IQSEC1: variants seen among roughly 807,000 people sequenced by gnomAD.
IQSEC1 encodes IQ motif and Sec7 domain ArfGEF 1, also known as IQ motif and SEC7 domain-containing protein 1.
A neutral mutation model predicts 91.0 loss-of-function variants in IQSEC1; 31 were observed. The ratio of observed to expected loss-of-function variants is 0.34; its 90% CI spans 0.26 to 0.46. IQSEC1 has a LOEUF of 0.46. Ranked by LOEUF, IQSEC1 falls within the 20% of genes least tolerant of loss-of-function variation. The probability of loss-of-function intolerance (pLI) is 1.00; values close to 1 mark genes in which losing one functional copy is unlikely to be tolerated. For missense variants in IQSEC1, 1,388 were observed against 1,575.6 expected, an observed-to-expected ratio of 0.88 and a Z score of 2.02; for synonymous variants, 699 against 662.6, an observed-to-expected ratio of 1.05 and a Z score of -0.84.
At chr3:12,985,066 C>T (rs959809140) in intron 1 of IQSEC1, among the ~76,000 whole-genome samples, 6 of 152,016 alleles carry the variant, frequency 3.9e-5, no homozygotes, top group South Asian at 2.1e-4. Flanking sequence ...CCTCGTGATC[C>T]GCCCACCTCG....
intron 1 of IQSEC1, among the ~76,000 whole-genome samples, chr3:13,016,278 G>A (rs1162036244): frequency 6.6e-6 from 1 of 152,196 alleles, no homozygotes; most frequent in Non-Finnish European, 1.5e-5. Flanking sequence ...GTCCCTGTCT[G>A]AATTCCCACT....
At chr3:12,943,309 T>C (rs532555810) in intron 1 of IQSEC1, among the ~76,000 whole-genome samples, 257 of 152,304 alleles carry the variant, frequency 1.7e-3, no homozygotes, top group African/African-American at 5.7e-3. Flanking sequence ...GGTGGGGCCA[T>C]GCGGGGCGGG....
chr3:12,957,498 C>T (rs1699984397), intron 1 of IQSEC1, among the ~76,000 whole-genome samples: 1 of 152,236 alleles, frequency 6.6e-6, no homozygotes, highest in Admixed American at 6.5e-5. Context: ...TTTCCATACG[C>T]ACCAAATGGA....
rs60976247 is a variant in IQSEC1 at position 13,249,167 on chromosome 3, C to CTT, written c.272+33542_272+33543dup. Among the ~76,000 whole-genome samples, 512 of 106,616 alleles carry CTT rather than the reference C, an allele frequency of 4.8e-3. 3 individuals carry two copies. The highest frequency in any genetic ancestry group is 0.011 in the Middle Eastern group (2 of 182). The allele number at this position is 106,616 out of a possible 152,430, so 69.9% of individuals were successfully genotyped here. ...AAACTTCCTTTGGGGGAAGGAATTT[C>CTT]TTTTTTTTTTTTTTTTTTTTTTGAG... is the stretch of plus-strand genomic sequence containing the variant. On this transcript the variant is annotated intron_variant, in intron 1 of 15. Coordinates refer to the IQSEC1 transcript ENST00000648114.
At position 13,059,559 on chromosome 3, in the gene IQSEC1, C is replaced by T. The variant is rs530448964; in HGVS notation, c.23+13433G>A. 3.8e-4 allele frequency among the ~76,000 whole-genome samples: 58 copies of T among 152,134 alleles called. 2 individuals are homozygous for T. The highest frequency in any genetic ancestry group is 6.8e-3 in the Middle Eastern group (2 of 294). ...GAACCCTAGGAGTTCAAGACCAGCC[C>T]GGACAACATGGCAAAATCCAGTCTC... On this transcript the variant is annotated intron_variant, in intron 1 of 13. Coordinates refer to ENST00000613206, the MANE Select transcript of IQSEC1 (RefSeq NM_001134382.3).
At chr3:13,113,711 G>A (rs1172183645) in intron 2 of IQSEC1, among the ~76,000 whole-genome samples, 1 of 152,180 alleles carries the variant, frequency 6.6e-6, no homozygotes, top group Non-Finnish European at 1.5e-5. Flanking sequence ...GGTCACCAGG[G>A]CAGCCCCCAG....
intron 1 of IQSEC1, among the ~76,000 whole-genome samples, chr3:13,268,385 C>T (rs1695533131): frequency 6.6e-6 from 1 of 152,250 alleles, no homozygotes; most frequent in Non-Finnish European, 1.5e-5. Context: ...GTGCTTAATA[C>T]ATACTTACTT....
Position 13,200,267 on chromosome 3 carries a change from C to T in IQSEC1, c.273-36134G>A, listed in dbSNP as rs535432818. Reference sequence around the variant, plus strand: ...CCCACATACAACACACACACACACACACACCACACACACATACTCCCCCCC... The same window carrying T: ...CCCACATACAACACACACACACACATACACCACACACACATACTCCCCCCC... On this transcript the variant is annotated intron_variant, in intron 1 of 15. Coordinates refer to the IQSEC1 transcript ENST00000648114. Among the ~76,000 whole-genome samples the T allele has an allele frequency of 1.8e-4, 28 of 152,040 alleles. 1 individual carries two copies. Among genetic ancestry groups the T allele is most frequent in the African/African-American group, 6.3e-4 (26 of 41,444 alleles).
chr3:13,024,669 T>C (rs1296630395), intron 1 of IQSEC1, among the ~76,000 whole-genome samples: 1 of 148,560 alleles, frequency 6.7e-6, no homozygotes, highest in East Asian at 2.0e-4. Context: ...CATCCGTCCA[T>C]CCATCCACCC....
chr3:12,976,102 G>A (rs1367961710), intron 1 of IQSEC1, among the ~76,000 whole-genome samples: 5 of 152,322 alleles, frequency 3.3e-5, no homozygotes, highest in African/African-American at 9.6e-5. Flanking sequence ...TGAGCCATCC[G>A]GTGCTGGGCC....
At position 13,189,031 on chromosome 3, in the gene IQSEC1, G is replaced by T. The variant is rs940183966; in HGVS notation, c.273-24898C>A. On this transcript the variant is annotated intron_variant, in intron 1 of 15. Coordinates refer to the IQSEC1 transcript ENST00000648114. The stretch of plus-strand genomic sequence containing the variant: ...GACTTTGAATCTTGGCCTCTGCCCA[G>T]TCTCTCTCACCTGTGTCCCAAATCT... 4.6e-5 allele frequency among the ~76,000 whole-genome samples: 7 copies of T among 152,246 alleles called. No individual in the cohort carries two copies. In the East Asian group the frequency reaches 9.6e-4, roughly 21 times the overall value.
intron 2 of IQSEC1, among the ~76,000 whole-genome samples, chr3:13,122,459 T>G (rs952383681): frequency 1.3e-5 from 2 of 151,652 alleles, no homozygotes; most frequent in Non-Finnish European, 2.9e-5. Flanking sequence ...CTCTGGCTGT[T>G]CAGGGAGGGA....
At chr3:13,148,984 C>T (rs943324882) in intron 2 of IQSEC1, among the ~76,000 whole-genome samples, 6 of 152,244 alleles carry the variant, frequency 3.9e-5, no homozygotes, top group African/African-American at 9.6e-5. Context: ...TGGGAAGAAC[C>T]GCTGCTGGGC....
chr3:13,008,340 C>T lies in IQSEC1; in HGVS notation c.23+64652G>A, dbSNP rs1381582989. Among the ~76,000 whole-genome samples the T allele has an allele frequency of 2.0e-5, 3 of 152,196 alleles. No homozygotes were observed. The highest frequency in any genetic ancestry group is 2.0e-4 in the Admixed American group (3 of 15,282). ...TAGAGAATGAGGTAAGCATCCTCCA[C>T]CAGTGACCGTCAGGCTGTCCACTGT... On this transcript the variant is annotated intron_variant, in intron 1 of 13. Transcript: ENST00000613206. This position sits in a 1 kb window ranked among gnomAD's most constrained non-coding sequence, Gnocchi z 4.1.
chr3:12,959,090 T>C (rs990306544), intron 1 of IQSEC1, among the ~76,000 whole-genome samples: 1 of 152,166 alleles, frequency 6.6e-6, no homozygotes, highest in Non-Finnish European at 1.5e-5. Context: ...AGAGGGTTGC[T>C]GGGTGGGTGG....
chr3:13,220,875 C>A (rs962568555), intron 1 of IQSEC1, among the ~76,000 whole-genome samples: 15 of 152,210 alleles, frequency 9.9e-5, no homozygotes, highest in African/African-American at 3.6e-4. Context: ...GGTTTTGCTG[C>A]CAAACTCCTG....
intron 1 of IQSEC1, among the ~76,000 whole-genome samples, chr3:13,057,563 G>C (rs1356915652): frequency 6.6e-6 from 1 of 152,214 alleles, no homozygotes; most frequent in African/African-American, 2.4e-5. Flanking sequence ...AGTGAGTGGC[G>C]GGGAACACCC....
intron 1 of IQSEC1, chr3:13,015,738 G>A (rs1703096152): frequency 1.0e-6 from 1 of 985,280 alleles, no homozygotes; most frequent in African/African-American, 1.7e-5. Context: ...CCAGGGGAGA[G>A]GGTGCCAGGC....
chr3:12,905,859 C>T (rs1458660573), intron 12 of IQSEC1, among the ~76,000 whole-genome samples: 4 of 152,222 alleles, frequency 2.6e-5, no homozygotes, highest in South Asian at 2.1e-4. Context: ...GTGTCCATCA[C>T]CACTTGGCTG....
Sources: allele counts gnomAD v4.1 joint callset (sites outside exome capture counted in the v4.1 genomes callset), GRCh38; gene constraint gnomAD v4.1.1; non-coding constraint Gnocchi (gnomAD v3.1); transcripts MANE v1.5; gene names NCBI Gene and HGNC (gene_info 2026-07-23, HGNC 2026-07-21).